C16orf89: variants seen among roughly 807,000 people sequenced by gnomAD.
C16orf89 encodes UPF0764 protein C16orf89.
A neutral mutation model predicts 41.5 loss-of-function variants in C16orf89; 57 were observed. That is an observed-to-expected ratio of 1.38 (90% CI 1.11 to 1.71). The LOEUF (loss-of-function observed/expected upper bound fraction) is 1.71, where lower values mean the gene tolerates loss of function less well. C16orf89 is among the 40% of genes most tolerant of loss of function. C16orf89 has a pLI of 0.00. For synonymous variants in C16orf89, 223 were observed against 190.6 expected, an observed-to-expected ratio of 1.17 and a Z score of -1.40; for missense variants, 575 against 445.9, an observed-to-expected ratio of 1.29 and a Z score of -2.61.
At chr16:5,063,832 TAAAC>T (rs566582316) in intron 1 of C16orf89, among the ~76,000 whole-genome samples, 14 of 152,232 alleles carry the variant, frequency 9.2e-5, no homozygotes, top group Admixed American at 7.9e-4. Flanking sequence ...ATAATAACAA[TAAAC>T]AGAAAGTGGG....
rs386384101 is a variant in C16orf89 at position 5,060,945 on chromosome 16, C to CTTTT, written c.359-513_359-510dup. Among the ~76,000 whole-genome samples, 503 of 93,486 alleles carry CTTTT rather than the reference C, an allele frequency of 5.4e-3. 19 individuals are homozygous for CTTTT. Among genetic ancestry groups the CTTTT allele is most frequent in the African/African-American group, 0.011 (260 of 22,984 alleles). The allele number at this position is 93,486 out of a possible 152,430, so 61.3% of individuals were successfully genotyped here. On this transcript the variant is annotated intron_variant, in intron 2 of 7. Coordinates refer to ENST00000472572, the MANE Select transcript of C16orf89 (RefSeq NM_001098514.3). ...GAGAATGCAGTGAGCTATGATCAGCCTTTTTTTTTTTTTTTTTTTTTTTTA... is the reference window on the plus strand; with the variant it reads ...GAGAATGCAGTGAGCTATGATCAGCCTTTTTTTTTTTTTTTTTTTTTTTTTTTTA...
At chr16:5,045,097 C>T (rs1031652592) in intron 7 of C16orf89, among the ~76,000 whole-genome samples, 26 of 152,202 alleles carry the variant, frequency 1.7e-4, no homozygotes, top group African/African-American at 4.6e-4. Context: ...CCCACCCCTG[C>T]GGGGGGATCT....
In C16orf89 at chr16:5,060,297, C is replaced by G; in HGVS notation, c.498G>C (p.Leu166=). ...EERSDVCLVQ[L]LGTGTDSSEP... The stretch of plus-strand genomic sequence containing the variant: ...AGTGCAGGGCCCACCCGGTTCCCAG[C>G]AGCTGCACCAGGCACACGTCACTTC... The change falls in exon 3 of 8, where the codon CTG becomes CTC. Residue 166 remains leucine (L), a synonymous_variant. Coordinates refer to ENST00000472572, the MANE Select transcript of C16orf89 (RefSeq NM_001098514.3). 6.2e-7 allele frequency: 1 copy of G among 1,609,146 alleles called. No individual in the cohort carries two copies.
intron 4 of C16orf89, among the ~76,000 whole-genome samples, chr16:5,057,064 C>T (rs1239544470): frequency 1.3e-5 from 2 of 151,654 alleles, no homozygotes; most frequent in South Asian, 2.1e-4. Flanking sequence ...ATGGTGAAAC[C>T]CCATCTCTAC....
At position 5,065,934 on chromosome 16, in the gene C16orf89, A is replaced by G. The variant is rs1220305708; in HGVS notation, c.-26T>C. On this transcript the variant is annotated 5_prime_UTR_variant, in exon 1 of 8. Transcript: ENST00000472572. ...GGCCGGCCTCTGCTCACTGCTGGTC[A>G]CACGCTCAGCACCCTGAGCTCTGGC... The G allele has an allele frequency of 2.3e-5, 37 of 1,608,390 alleles. 1 individual carries two copies. The Admixed American group carries it at 6.2e-4, about 27-fold the overall frequency.
At chr16:5,053,840 G>A (rs1596691665) in intron 6 of C16orf89, among the ~76,000 whole-genome samples, 1 of 152,158 alleles carries the variant, frequency 6.6e-6, no homozygotes, top group Non-Finnish European at 1.5e-5. Flanking sequence ...AGCCTATTGT[G>A]TATTTTCAAA....
intron 6 of C16orf89, among the ~76,000 whole-genome samples, chr16:5,051,066 GT>G (rs1419171417): frequency 1.3e-5 from 2 of 152,092 alleles, no homozygotes; most frequent in East Asian, 3.8e-4. Flanking sequence ...TATAATAAAG[GT>G]CATATATGAC....
At chr16:5,060,565 T>A in intron 2 of C16orf89, 129 bp from the exon 3 acceptor site, 9 of 914,142 alleles carry the variant, frequency 9.8e-6, no homozygotes, top group Non-Finnish European at 1.4e-5. Context: ...CTAAGCCCTG[T>A]CCCCTGGTCC....
rs1956253363 is a variant in C16orf89, at chr16:5,044,306, G to A, written c.*42C>T. The A allele has an allele frequency of 6.4e-7, 1 of 1,559,224 alleles. No homozygotes were observed. Among genetic ancestry groups the A allele is most frequent in the Admixed American group, 1.9e-5 (1 of 52,660 alleles). On this transcript the variant is annotated 3_prime_UTR_variant, in exon 8 of 8. Transcript: ENST00000472572. Reference sequence around the variant, plus strand: ...GGATCTAAGGGATGAGGACTAAAGGGGTCTGTTCCTCCTCCAGGCAGCTGG... The same window carrying A: ...GGATCTAAGGGATGAGGACTAAAGGAGTCTGTTCCTCCTCCAGGCAGCTGG...
intron 6 of C16orf89, among the ~76,000 whole-genome samples, chr16:5,050,074 C>T (rs1956369936): frequency 6.6e-6 from 1 of 152,002 alleles, no homozygotes; most frequent in Non-Finnish European, 1.5e-5. Flanking sequence ...AATTAGAAAA[C>T]CTAGTGGAGT....
chr16:5,046,688 C>A (rs1416005933), intron 7 of C16orf89, among the ~76,000 whole-genome samples: 1 of 152,084 alleles, frequency 6.6e-6, no homozygotes, highest in Admixed American at 6.6e-5. Flanking sequence ...AAATCAAAGT[C>A]CTCTCTTTCT....
intron 1 of C16orf89, among the ~76,000 whole-genome samples, chr16:5,064,126 AAATAATAATAATAT>A (rs1956687233): frequency 6.6e-6 from 1 of 151,912 alleles, no homozygotes; most frequent in South Asian, 2.1e-4. Context: ...CTCCGTCTCA[AAATAATAATAATAT>A]AATAATAATA....
chr16:5,057,717 C>T (rs183828017), intron 4 of C16orf89, among the ~76,000 whole-genome samples: 9 of 151,708 alleles, frequency 5.9e-5, no homozygotes, highest in African/African-American at 1.7e-4. Context: ...TTAGTAGAGA[C>T]GGGATTTTAC....
chr16:5,060,205 T>A, intron 3 of C16orf89, 81 bp downstream of exon 3: 1 of 1,469,072 alleles, frequency 6.8e-7, no homozygotes, highest in Non-Finnish European at 9.2e-7. Context: ...CCCTAGGGCT[T>A]GGAGAAGGAG....
intron 4 of C16orf89, among the ~76,000 whole-genome samples, chr16:5,057,203 C>T (rs1956526284): frequency 6.7e-6 from 1 of 148,230 alleles, no homozygotes; most frequent in South Asian, 2.1e-4. Flanking sequence ...TGCCACTGCA[C>T]TCCAGCCTGG....
intron 5 of C16orf89, 156 bp from the exon 6 acceptor site, chr16:5,055,506 CT>C: frequency 1.1e-6 from 1 of 944,660 alleles, no homozygotes; most frequent in Non-Finnish European, 1.6e-6. Context: ...CAGCTTGAGC[CT>C]TTGCCTGACC....
At chr16:5,055,829 T>G (rs2142640415) in intron 5 of C16orf89, 1 of 1,367,128 alleles carries the variant, frequency 7.3e-7, no homozygotes, top group African/African-American at 1.4e-5. Flanking sequence ...TGTAAGTATA[T>G]CCCATGAAAT....
At chr16:5,055,471 G>A (rs1264739883) in intron 5 of C16orf89, 121 bp from the exon 6 acceptor site, 11 of 1,038,390 alleles carry the variant, frequency 1.1e-5, no homozygotes, top group East Asian at 5.2e-5. Context: ...GGAGGTGGGC[G>A]TTCAATGCAG....
chr16:5,044,731 C>G (rs764519796), intron 7 of C16orf89: 9 of 1,004,278 alleles, frequency 9.0e-6, no homozygotes, highest in Non-Finnish European at 1.2e-5. Context: ...GTAGTCCCAG[C>G]TACTCGGGAG....
Sources: gnomAD v4.1 joint callset for allele counts (sites outside exome capture counted in the v4.1 genomes callset) on GRCh38, gnomAD v4.1.1 for gene constraint, MANE v1.5 for transcripts, NCBI Gene and HGNC (gene_info 2026-07-23, HGNC 2026-07-21) for gene names.